Variants in ITIH6 observed in about 807,000 individuals in gnomAD.
The protein encoded by ITIH6 is inter-alpha-trypsin inhibitor heavy chain H6.
A neutral mutation model predicts 58.2 loss-of-function variants in ITIH6; 60 were observed. The observed-to-expected ratio is 1.03, with a 90% CI of 0.84 to 1.28. The LOEUF (loss-of-function observed/expected upper bound fraction) is 1.28, where lower values mean the gene tolerates loss of function less well. Ranked by LOEUF, ITIH6 falls within the 50% of genes most tolerant of loss-of-function variation. The probability of loss-of-function intolerance (pLI) is 0.00; values close to 1 mark genes in which losing one functional copy is unlikely to be tolerated. For missense variants in ITIH6, 1,290 were observed against 1,021.1 expected, an observed-to-expected ratio of 1.26 and a Z score of -3.59; for synonymous variants, 493 against 417.4, an observed-to-expected ratio of 1.18 and a Z score of -2.21.
chrX:54,768,877 G>T (rs936563851), intron 6 of ITIH6, among the ~76,000 whole-genome samples: 2 of 107,709 alleles, frequency 1.9e-5, no homozygotes, highest in African/African-American at 3.6e-5. Context: ...TCTTCTCGAG[G>T]AGTATCTTTG....
intron 6 of ITIH6, among the ~76,000 whole-genome samples, chrX:54,766,201 G>A (rs1318536486): frequency 9.1e-6 from 1 of 109,507 alleles, no homozygotes; most frequent in African/African-American, 3.3e-5. Flanking sequence ...TCTGTTGTTG[G>A]TGTATAGGAA....
chrX:54,790,710 A>G (rs1319267060), intron 4 of ITIH6, 127 bp downstream of exon 4: 43 of 880,231 alleles, frequency 4.9e-5, no homozygotes, highest in Non-Finnish European at 6.9e-5. Flanking sequence ...CTTCTCACTG[A>G]ATCAGGAAGG....
chrX:54,761,101 T>C (rs985040355), intron 6 of ITIH6, among the ~76,000 whole-genome samples: 4 of 111,923 alleles, frequency 3.6e-5, no homozygotes, highest in Admixed American at 2.9e-4. Context: ...CAGCACCTGT[T>C]GTTTCCTGAC....
chrX:54,757,181 G>C lies in ITIH6; in HGVS notation c.2893C>G (p.Pro965Ala). 1 of 1,208,556 alleles carries C rather than the reference G, an allele frequency of 8.3e-7. No individual in the cohort carries two copies. Among genetic ancestry groups the C allele is most frequent in the Non-Finnish European group, 1.1e-6 (1 of 893,840 alleles). The change falls in exon 8 of 13, where the codon CCA becomes GCA. Residue 965 changes from proline to alanine, a missense_variant. By Grantham distance (27) the Pro-to-Ala change is conservative. Transcript: ENST00000218436. Reference sequence around the variant, plus strand: ...GAGCTGTTGAGTAGGCTCATTGTTGGAACTCCTGGCCTAGATGGTCCCAGA... The same window carrying C: ...GAGCTGTTGAGTAGGCTCATTGTTGCAACTCCTGGCCTAGATGGTCCCAGA... The part of the protein sequence containing the change: ...QVLGPSRPGV[P>A]TMSLLNSSRP...
intron 6 of ITIH6, among the ~76,000 whole-genome samples, chrX:54,770,883 C>G (rs1336434423): frequency 1.8e-5 from 2 of 112,050 alleles, no homozygotes; most frequent in East Asian, 5.5e-4. Context: ...TCTTGCAAAG[C>G]AGGTTTATTG....
rs1929453828 is a variant in ITIH6 at position 54,796,959 on chromosome X, A to G, written c.240T>C (p.Phe80=). The change falls in exon 2 of 13, where the codon TTT becomes TTC. Residue 80 remains phenylalanine (F), a synonymous_variant. Coordinates refer to ENST00000218436, the MANE Select transcript of ITIH6 (RefSeq NM_198510.3). The part of the protein sequence containing the change: ...IFDLDLPHLA[F]ISNFTMTINN... ...AGACTTACATAGTGAAATTGGAGAT[A>G]AAGGCAAGATGAGGCAGATCCAGGT... The G allele has an allele frequency of 8.3e-7, 1 of 1,211,211 alleles. No homozygotes were observed.
intron 5 of ITIH6, among the ~76,000 whole-genome samples, chrX:54,781,874 A>T (rs1469243600): frequency 1.8e-5 from 2 of 112,347 alleles, no homozygotes; most frequent in African/African-American, 6.5e-5. Flanking sequence ...AATATGGTAC[A>T]TATACACCAT....
At chrX:54,763,837 A>T (rs1395936660) in intron 6 of ITIH6, among the ~76,000 whole-genome samples, 5 of 112,012 alleles carry the variant, frequency 4.5e-5, no homozygotes, top group Non-Finnish European at 9.4e-5. Flanking sequence ...TTTACTTCAT[A>T]TATTTTGGTA....
Position 54,757,238 on chromosome X carries a change from G to T in ITIH6, c.2836C>A (p.Leu946Ile), listed in dbSNP as rs1261558502. 2 of 1,194,261 alleles carry T rather than the reference G, an allele frequency of 1.7e-6. No individual in the cohort carries two copies. The highest frequency in any genetic ancestry group is 2.3e-6 in the Non-Finnish European group (2 of 886,321). ...CTGGTCCTCTGGGGACCCGGGAGGA[G>T]GTCATACTGATGCCAGAACCTTCCA... ...PPGRFWHQYD[L>I]LPGPQRTRQV... is the part of the protein sequence containing the mutation. The change falls in exon 8 of 13, where the codon CTC becomes ATC. Residue 946 changes from leucine (L) to isoleucine (I), a missense_variant. Coordinates refer to ENST00000218436, the MANE Select transcript of ITIH6 (RefSeq NM_198510.3).
At position 54,757,574 on chromosome X, in the gene ITIH6, G is replaced by T. The variant is rs764419274; in HGVS notation, c.2500C>A (p.Arg834=). 8.3e-7 allele frequency: 1 copy of T among 1,210,377 alleles called. No homozygotes were observed. The highest frequency in any genetic ancestry group is 2.2e-5 in the Admixed American group (1 of 45,970). ...TRPRVPAPKT[R]NNMPHLGPGI... ...GGCCCCAGGTGTGGCATGTTGTTTCGGGTCTTGGGAGCAGGAACCCTAGGT... is the reference window on the plus strand; with the variant it reads ...GGCCCCAGGTGTGGCATGTTGTTTCTGGTCTTGGGAGCAGGAACCCTAGGT... The change falls in exon 8 of 13, where the codon CGA becomes AGA. Residue 834 remains arginine, a synonymous_variant. Transcript: ENST00000218436.
At position 54,791,079 on chromosome X, in the gene ITIH6, C is replaced by T. The variant is rs367915207; in HGVS notation, c.374G>A (p.Arg125Gln). 1.4e-5 allele frequency: 17 copies of T among 1,208,625 alleles called. No individual in the cohort carries two copies. The Admixed American group carries it at 1.5e-4, about 11-fold the overall frequency. ...KTAAHVGIRD[R>Q]ESEKFRISTS... ...GGAGATGCGGAACTTCTCTGATTCC[C>T]GGTCCCTGGGCAGGAAAGGGAGGAT... The change falls in exon 4 of 13, where the codon CGG becomes CAG. Residue 125 changes from arginine (R) to glutamine (Q), a missense_variant. Coordinates refer to ENST00000218436, the MANE Select transcript of ITIH6 (RefSeq NM_198510.3).
In ITIH6 at chrX:54,798,011, G is replaced by A. The variant is rs770461360; in HGVS notation, c.102+98C>T. On this transcript the variant is annotated intron_variant, in intron 1 of 12. Coordinates refer to ENST00000218436, the MANE Select transcript of ITIH6 (RefSeq NM_198510.3). Reference sequence around the variant, plus strand: ...CTCTGGCTCTAGTTTCTCAGTCATAGGACTGAAGAAACACACTGAATAACC... The same window carrying A: ...CTCTGGCTCTAGTTTCTCAGTCATAAGACTGAAGAAACACACTGAATAACC... The A allele has an allele frequency of 5.4e-5, 30 of 556,131 alleles. No homozygotes were observed. The South Asian group carries it at 7.3e-4, about 14-fold the overall frequency. The allele number at this position is 556,131 out of a possible 1,213,427, so 45.8% of individuals were successfully genotyped here.
chrX:54,757,434 A>G lies in ITIH6; in HGVS notation c.2640T>C (p.His880=), dbSNP rs1928517315. Residue 880 remains histidine (H), a synonymous_variant, in exon 8 of 13, where the codon CAT becomes CAC. Coordinates refer to ENST00000218436, the MANE Select transcript of ITIH6 (RefSeq NM_198510.3). ...SLSKPETPNP[H]MPQTPLPPRP... is the part of the protein sequence containing the mutation. ...TAGGAGGTAGTGGGGTTTGAGGCATATGGGGGTTTGGGGTCTCAGGCTTGG... is the reference window on the plus strand; with the variant it reads ...TAGGAGGTAGTGGGGTTTGAGGCATGTGGGGGTTTGGGGTCTCAGGCTTGG... The G allele has an allele frequency of 8.3e-7, 1 of 1,207,538 alleles. No homozygotes were observed. Among genetic ancestry groups the G allele is most frequent in the South Asian group, 1.8e-5 (1 of 56,656 alleles).
intron 6 of ITIH6, among the ~76,000 whole-genome samples, chrX:54,770,220 C>A (rs776857868): frequency 8.9e-6 from 1 of 112,959 alleles, no homozygotes; most frequent in South Asian, 3.6e-4. Flanking sequence ...TGAGGCAATG[C>A]CTCGCCCTGC....
rs751664663 is a variant in ITIH6 at position 54,753,712 on chromosome X, G to C, written c.3291C>G (p.Ile1097Met). The C allele has an allele frequency of 3.3e-6, 4 of 1,211,609 alleles. No homozygotes were observed. Among genetic ancestry groups the C allele is most frequent in the Non-Finnish European group, 4.5e-6 (4 of 895,387 alleles). ...CAGGGTGCCCATTCAGTGTGAAGCAGATCTTCTCTTCTGAGTGTGGGATTT... is the reference window on the plus strand; with the variant it reads ...CAGGGTGCCCATTCAGTGTGAAGCACATCTTCTCTTCTGAGTGTGGGATTT... ...VIQIPHSEEK[I>M]CFTLNGHPGD... The change falls in exon 11 of 13, where the codon ATC becomes ATG. Residue 1097 changes from isoleucine (I) to methionine (M), a missense_variant. By Grantham distance (10) the Ile-to-Met change is conservative. Transcript: ENST00000218436.
In ITIH6 at chrX:54,757,106, A is replaced by C; in HGVS notation, c.2968T>G (p.Ser990Ala). 1 of 1,211,604 alleles carries C rather than the reference A, an allele frequency of 8.3e-7. No individual in the cohort carries two copies. Among genetic ancestry groups the C allele is most frequent in the Non-Finnish European group, 1.1e-6 (1 of 895,390 alleles). The change falls in exon 8 of 13, where the codon TCT (serine) becomes GCT (alanine). Residue 990 changes from serine to alanine, a missense_variant. Transcript: ENST00000218436. ...SPPNLPILLP[S>A]SILPEAISLL... ...CTGATGGCCTCAGGGAGGATGCTAG[A>C]AGGCAGCAAGATTGGCAGGTTTGGA...
At position 54,785,785 on chromosome X, in the gene ITIH6, T is replaced by A. The variant is rs767326033; in HGVS notation, c.786+2695A>T. Among the ~76,000 whole-genome samples the A allele has an allele frequency of 2.7e-5, 3 of 111,738 alleles. No individual in the cohort carries two copies. In the South Asian group the frequency reaches 1.1e-3, roughly 42 times the overall value. Reference sequence around the variant, plus strand: ...CTCAGTGGAGTGAACTGCTGGGGACTGGGGCTCTGGGCAGCTGTGTGCAGT... The same window carrying A: ...CTCAGTGGAGTGAACTGCTGGGGACAGGGGCTCTGGGCAGCTGTGTGCAGT... On this transcript the variant is annotated intron_variant, in intron 5 of 12. Coordinates refer to ENST00000218436, the MANE Select transcript of ITIH6 (RefSeq NM_198510.3).
At chrX:54,761,563 G>A (rs375285972) in intron 6 of ITIH6, among the ~76,000 whole-genome samples, 1 of 111,319 alleles carries the variant, frequency 9.0e-6, no homozygotes, top group Non-Finnish European at 1.9e-5. Flanking sequence ...GGGTTTTTAT[G>A]GTTTTAGGTC....
chrX:54,756,715 C>T (rs1219995014), intron 8 of ITIH6, among the ~76,000 whole-genome samples: 1 of 111,268 alleles, frequency 9.0e-6, no homozygotes, highest in East Asian at 2.8e-4. Context: ...TCTGTTCAGC[C>T]TTCCCAGTCT....
Sources: gnomAD v4.1 joint callset for allele counts (sites outside exome capture counted in the v4.1 genomes callset) on GRCh38, gnomAD v4.1.1 for gene constraint, MANE v1.5 for transcripts, NCBI Gene and HGNC (gene_info 2026-07-23, HGNC 2026-07-21) for gene names.